Variants in MCHR2 observed in about 807,000 individuals in gnomAD.
MCHR2 encodes melanin-concentrating hormone receptor 2.
In MCHR2, 15 loss-of-function variants were observed where a neutral mutation model predicts 24.8. The ratio of observed to expected loss-of-function variants is 0.60; its 90% CI spans 0.40 to 0.93. MCHR2 has a LOEUF of 0.93. Among genes scored for constraint, MCHR2 ranks in the 40% least tolerant of loss-of-function variants. The probability of loss-of-function intolerance (pLI) is 0.00; values close to 1 mark genes in which losing one functional copy is unlikely to be tolerated. For missense variants in MCHR2, 386 were observed against 408.7 expected (o/e 0.94, Z 0.48); for synonymous variants, 151 against 147.6 (o/e 1.02, Z -0.17).
intron 5 of MCHR2, among the ~76,000 whole-genome samples, chr6:99,925,795 T>G (rs972095862): frequency 2.5e-4 from 37 of 149,786 alleles, no homozygotes; most frequent in Admixed American, 1.1e-3. Flanking sequence ...ATTATTTTTG[T>G]TTTTTTTGTT....
rs560741116 is a variant in MCHR2, at chr6:99,918,833, G to A, written c.*2107C>T. 6.6e-6 allele frequency among the ~76,000 whole-genome samples: 1 copy of A among 152,030 alleles called. No homozygotes were observed. Among genetic ancestry groups the A allele is most frequent in the Non-Finnish European group, 1.5e-5 (1 of 67,980 alleles). On this transcript the variant is annotated 3_prime_UTR_variant, in exon 6 of 6. Transcript: ENST00000281806. ...CTACTTTGATTAAATGCTAAATAAA[G>A]CTCCTTACAACTCTTAGTAAATATA...
chr6:99,956,000 C>G lies in MCHR2; in HGVS notation c.148G>C (p.Val50Leu), dbSNP rs201402227. 9.3e-6 allele frequency: 15 copies of G among 1,610,386 alleles called. No homozygotes were observed. Among genetic ancestry groups the G allele is most frequent in the Non-Finnish European group, 1.3e-5 (15 of 1,178,596 alleles). ...MIGIICSTGL[V>L]GNILIVFTII... is the part of the protein sequence containing the mutation. Reference sequence around the variant, plus strand: ...GTGAATACAATGAGGATGTTGCCAACCAGCCCTGTTGAACAGATAATCCCA... The same window carrying G: ...GTGAATACAATGAGGATGTTGCCAAGCAGCCCTGTTGAACAGATAATCCCA... Residue 50 changes from valine to leucine, a missense_variant, in exon 2 of 6, where the codon GTT (valine) becomes CTT (leucine). Val to Leu is a conservative substitution (Grantham distance 32, BLOSUM62 1). Coordinates refer to ENST00000281806, the MANE Select transcript of MCHR2 (RefSeq NM_001040179.2).
At chr6:99,935,829 T>A (rs1032778151) in intron 4 of MCHR2, among the ~76,000 whole-genome samples, 3 of 151,982 alleles carry the variant, frequency 2.0e-5, no homozygotes, top group Admixed American at 1.3e-4. Flanking sequence ...GTACAAAGGT[T>A]CCGCTTTGTT....
chr6:99,940,498 T>G (rs545207799), intron 4 of MCHR2, among the ~76,000 whole-genome samples: 75 of 152,286 alleles, frequency 4.9e-4, no homozygotes, highest in African/African-American at 1.6e-3. Flanking sequence ...GTGTGTTATC[T>G]TGAGATCACT....
intron 4 of MCHR2, 26 bp from the exon 5 acceptor site, chr6:99,934,543 A>G (rs1181841485): frequency 1.2e-5 from 19 of 1,536,482 alleles, no homozygotes; most frequent in Non-Finnish European, 1.7e-5. Flanking sequence ...GAGAAGAGAG[A>G]GAGAGAAAGA....
intron 2 of MCHR2, among the ~76,000 whole-genome samples, chr6:99,953,240 G>A (rs1774998209): frequency 6.6e-6 from 1 of 152,112 alleles, no homozygotes; most frequent in African/African-American, 2.4e-5. Flanking sequence ...ATCCCACACT[G>A]AAGAGGTTTT....
At chr6:99,960,160 G>A (rs1245738960) in intron 1 of MCHR2, among the ~76,000 whole-genome samples, 1 of 151,932 alleles carries the variant, frequency 6.6e-6, no homozygotes, top group Non-Finnish European at 1.5e-5. Flanking sequence ...AACCTTGCAA[G>A]CCAGGAGAGA....
intron 1 of MCHR2, among the ~76,000 whole-genome samples, chr6:99,970,962 T>C (rs1338380646): frequency 6.6e-6 from 1 of 152,232 alleles, no homozygotes; most frequent in Admixed American, 6.5e-5. Context: ...TTGGTTACTG[T>C]AGCCTTGTAG....
rs560886311 is a variant in MCHR2, at chr6:99,983,393, C to T, written c.-28+10543G>A. Among the ~76,000 whole-genome samples the T allele has an allele frequency of 1.1e-4, 17 of 152,284 alleles. No homozygotes were observed. In the South Asian group the frequency reaches 3.5e-3, roughly 32 times the overall value. ...ATTAGGTCTCAAAAAGCCATCTGAG[C>T]TAGCAGAATATGCATGTCACTCATC... On this transcript the variant is annotated intron_variant, in intron 1 of 5. Coordinates refer to ENST00000281806, the MANE Select transcript of MCHR2 (RefSeq NM_001040179.2).
Position 99,943,012 on chromosome 6 carries a change from A to T in MCHR2, c.524T>A (p.Ile175Asn). 1.2e-6 allele frequency: 2 copies of T among 1,613,052 alleles called. No homozygotes were observed. Among genetic ancestry groups the T allele is most frequent in the Middle Eastern group, 1.7e-4 (1 of 6,048 alleles). The part of the protein sequence containing the change: ...ALPVWVYSKV[I>N]KFKDGVESCA... ...ACTCTCAACACCGTCTTTAAATTTG[A>T]TGACCTTCGAGTAGACCCAGACAGG... is the stretch of plus-strand genomic sequence containing the variant. The change falls in exon 4 of 6, where the codon ATC (isoleucine) becomes AAC (asparagine). Residue 175 changes from isoleucine (I) to asparagine (N), a missense_variant. Coordinates refer to ENST00000281806, the MANE Select transcript of MCHR2 (RefSeq NM_001040179.2).
At chr6:99,925,708 A>C (rs2397681) in intron 5 of MCHR2, among the ~76,000 whole-genome samples, 152,076 of 152,078 alleles carry the variant, frequency 1, 76,037 homozygotes, top group Non-Finnish European at 1. Context: ...TTAACTTTGT[A>C]CCCCCAATTT....
At chr6:99,971,765 C>T (rs1229487361) in intron 1 of MCHR2, among the ~76,000 whole-genome samples, 2 of 152,162 alleles carry the variant, frequency 1.3e-5, no homozygotes, top group Non-Finnish European at 1.5e-5. Flanking sequence ...GAGTTTTTAG[C>T]ATGAAGTGTT....
intron 1 of MCHR2, among the ~76,000 whole-genome samples, chr6:99,973,258 G>T (rs1398634332): frequency 1.3e-5 from 2 of 151,764 alleles, no homozygotes; most frequent in Non-Finnish European, 2.9e-5. Context: ...TGTATTGGGT[G>T]CATATTTATT....
chr6:99,985,763 A>T (rs1775757524), intron 1 of MCHR2, among the ~76,000 whole-genome samples: 1 of 152,142 alleles, frequency 6.6e-6, no homozygotes, highest in South Asian at 2.1e-4. Flanking sequence ...ACATTGGCCT[A>T]GGCAAAGAAT....
At chr6:99,986,139 G>A (rs2114595590) in intron 1 of MCHR2, among the ~76,000 whole-genome samples, 1 of 152,100 alleles carries the variant, frequency 6.6e-6, no homozygotes, top group Middle Eastern at 3.4e-3. Context: ...ACTTATACCA[G>A]CCAGAATGAA....
chr6:99,984,995 C>A (rs1775745678), intron 1 of MCHR2, among the ~76,000 whole-genome samples: 1 of 152,062 alleles, frequency 6.6e-6, no homozygotes, highest in Non-Finnish European at 1.5e-5. Context: ...AATACATAAT[C>A]AATGTACAAA....
intron 4 of MCHR2, among the ~76,000 whole-genome samples, chr6:99,939,581 C>T (rs1006035883): frequency 1.3e-5 from 2 of 151,918 alleles, no homozygotes; most frequent in Non-Finnish European, 2.9e-5. Context: ...GTCTTTTGGG[C>T]TTCATGCTAG....
chr6:99,935,339 A>G (rs1424820425), intron 4 of MCHR2, among the ~76,000 whole-genome samples: 1 of 151,970 alleles, frequency 6.6e-6, no homozygotes, highest in Non-Finnish European at 1.5e-5. Context: ...CTTTGTATCC[A>G]CTTAATTATC....
At chr6:99,957,379 G>A (rs986327075) in intron 1 of MCHR2, among the ~76,000 whole-genome samples, 1 of 152,058 alleles carries the variant, frequency 6.6e-6, no homozygotes, top group Admixed American at 6.6e-5. Context: ...CATCAATTGA[G>A]AGAGAGATGT....
Sources: allele counts gnomAD v4.1 joint callset (sites outside exome capture counted in the v4.1 genomes callset), GRCh38; gene constraint gnomAD v4.1.1; transcripts MANE v1.5; gene names NCBI Gene and HGNC (gene_info 2026-07-23, HGNC 2026-07-21).